Variants in RBMS3 observed in about 807,000 individuals in gnomAD.
RBMS3 encodes the protein RNA-binding motif, single-stranded-interacting protein 3.
In RBMS3, 27 loss-of-function variants were observed where a neutral mutation model predicts 66.8. The ratio of observed to expected loss-of-function variants is 0.40; its 90% CI spans 0.30 to 0.56. The LOEUF (loss-of-function observed/expected upper bound fraction) is 0.56, where lower values mean the gene tolerates loss of function less well. RBMS3 is among the 20% of genes least tolerant of loss of function. The pLI, the probability that RBMS3 is intolerant of heterozygous loss-of-function variation, is 0.40. For missense variants in RBMS3, 513 were observed against 549.5 expected (o/e 0.93, Z 0.66); for synonymous variants, 188 against 183.0 (o/e 1.03, Z -0.22).
intron 12 of RBMS3, among the ~76,000 whole-genome samples, chr3:29,963,310 C>T (rs540004981): frequency 7.2e-5 from 11 of 152,066 alleles, no homozygotes; most frequent in Non-Finnish European, 1.6e-4. Flanking sequence ...ATTAAATCAG[C>T]ATATCCGTGG....
intron 4 of RBMS3, among the ~76,000 whole-genome samples, chr3:29,682,118 G>A (rs1036706771): frequency 1.3e-5 from 2 of 152,134 alleles, no homozygotes; most frequent in African/African-American, 4.8e-5. Context: ...ACGAAAGGAT[G>A]GCTTGATGCA....
chr3:29,567,928 C>A (rs1439751004), intron 3 of RBMS3, among the ~76,000 whole-genome samples: 1 of 152,100 alleles, frequency 6.6e-6, no homozygotes, highest in Non-Finnish European at 1.5e-5. Context: ...TAATCTGAAA[C>A]CTTCAGAAAT....
chr3:29,721,386 T>A (rs1470132077), intron 4 of RBMS3, among the ~76,000 whole-genome samples: 1 of 152,160 alleles, frequency 6.6e-6, no homozygotes, highest in African/African-American at 2.4e-5. Flanking sequence ...ATTAAATATG[T>A]ATTTTTTTCT....
intron 3 of RBMS3, among the ~76,000 whole-genome samples, chr3:29,488,908 G>A (rs1386336321): frequency 2.6e-5 from 4 of 152,156 alleles, no homozygotes; most frequent in African/African-American, 9.7e-5. Context: ...GGTTGACTAT[G>A]AATAAATTTA....
intron 12 of RBMS3, among the ~76,000 whole-genome samples, chr3:29,959,173 T>A (rs959177660): frequency 6.6e-6 from 1 of 152,194 alleles, no homozygotes; most frequent in African/African-American, 2.4e-5. Flanking sequence ...TGTCTTACCA[T>A]CTGTAAAGAA....
chr3:29,523,724 CT>C (rs5847574), intron 3 of RBMS3, among the ~76,000 whole-genome samples: 7 of 151,952 alleles, frequency 4.6e-5, no homozygotes, highest in South Asian at 2.1e-4. Context: ...TAGATGATCT[CT>C]TTTTTTCTTT....
chr3:29,750,431 GTAATA>G (rs779068451), intron 5 of RBMS3, among the ~76,000 whole-genome samples: 185 of 152,214 alleles, frequency 1.2e-3, no homozygotes, highest in Non-Finnish European at 2.2e-3. Context: ...ATAAAACAAT[GTAATA>G]TAATAATCAT....
chr3:29,426,636 C>A (rs1257837763), intron 1 of RBMS3, among the ~76,000 whole-genome samples: 1 of 152,202 alleles, frequency 6.6e-6, no homozygotes, highest in Admixed American at 6.5e-5. Flanking sequence ...ATGATTGTTT[C>A]ATCACAGCTT....
At chr3:29,325,667 C>T (rs1167401432) in intron 1 of RBMS3, among the ~76,000 whole-genome samples, 1 of 149,706 alleles carries the variant, frequency 6.7e-6, no homozygotes, top group African/African-American at 2.5e-5. Flanking sequence ...CACACACATA[C>T]ACACACATAT....
At chr3:29,356,130 C>A (rs1000896888) in intron 1 of RBMS3, among the ~76,000 whole-genome samples, 2 of 152,100 alleles carry the variant, frequency 1.3e-5, no homozygotes, top group African/African-American at 4.8e-5. Flanking sequence ...GAGAAAAGTC[C>A]TGATAAAAGT....
chr3:29,808,424 C>G (rs2057625026), intron 6 of RBMS3, among the ~76,000 whole-genome samples: 1 of 151,952 alleles, frequency 6.6e-6, no homozygotes, highest in South Asian at 2.1e-4. Flanking sequence ...CTCTCACCTT[C>G]TAAAGCCAAG....
intron 1 of RBMS3, among the ~76,000 whole-genome samples, chr3:29,353,039 A>G (rs1444196695): frequency 2.0e-5 from 3 of 151,866 alleles, no homozygotes; most frequent in Non-Finnish European, 4.4e-5. Context: ...TTAAATGGCA[A>G]TTTTATATAT....
At chr3:29,852,926 C>A (rs1418482513) in intron 6 of RBMS3, among the ~76,000 whole-genome samples, 5 of 152,078 alleles carry the variant, frequency 3.3e-5, no homozygotes, top group Non-Finnish European at 7.4e-5. Context: ...CCATCAATGA[C>A]AGATTAGATA....
intron 6 of RBMS3, among the ~76,000 whole-genome samples, chr3:29,830,643 T>C (rs1040524313): frequency 6.6e-6 from 1 of 152,124 alleles, no homozygotes; most frequent in Admixed American, 6.5e-5. Flanking sequence ...CTAAAAACCA[T>C]GGTTTTTTGA....
intron 6 of RBMS3, among the ~76,000 whole-genome samples, chr3:29,805,286 A>G (rs75180052): frequency 0.024 from 3,629 of 152,180 alleles, 69 homozygotes; most frequent in East Asian, 0.14. Context: ...ATATAAAAGT[A>G]TAGCAATACA....
chr3:29,545,743 A>G (rs775672270), intron 3 of RBMS3, among the ~76,000 whole-genome samples: 5 of 152,266 alleles, frequency 3.3e-5, no homozygotes, highest in South Asian at 2.1e-4. Flanking sequence ...GCTACTGCCA[A>G]TTGAGACATT....
At chr3:29,988,859 A>G (rs1167320669) in intron 13 of RBMS3, among the ~76,000 whole-genome samples, 2 of 152,216 alleles carry the variant, frequency 1.3e-5, no homozygotes, top group Non-Finnish European at 2.9e-5. Context: ...TTTTAAGATG[A>G]TCACTCAGTG....
At chr3:29,983,363 T>C (rs1364883255) in intron 12 of RBMS3, among the ~76,000 whole-genome samples, 1 of 152,156 alleles carries the variant, frequency 6.6e-6, no homozygotes, top group African/African-American at 2.4e-5. Context: ...TCTTACTCTT[T>C]ATCCAATTTG....
chr3:29,969,066 TTAAAG>T (rs140469420), intron 12 of RBMS3, among the ~76,000 whole-genome samples: 16,037 of 151,946 alleles, frequency 0.11, 1,536 homozygotes, highest in African/African-American at 0.23. Flanking sequence ...GTGAAAATAA[TTAAAG>T]TAATTAGGCA....
Sources: gnomAD v4.1 joint callset for allele counts (sites outside exome capture counted in the v4.1 genomes callset) on GRCh38, gnomAD v4.1.1 for gene constraint, MANE v1.5 for transcripts, NCBI Gene and HGNC (gene_info 2026-07-23, HGNC 2026-07-21) for gene names.